Variants in SOX6 observed in about 807,000 individuals in gnomAD.
SOX6 encodes SRY-box transcription factor 6, also known as transcription factor SOX-6.
SOX6 carries 11 observed loss-of-function variants against 97.8 expected under a neutral mutation model. That is an observed-to-expected ratio of 0.11 (90% CI 0.07 to 0.19). The LOEUF (loss-of-function observed/expected upper bound fraction) is 0.19. Ranked by LOEUF, SOX6 falls within the 10% of genes least tolerant of loss-of-function variation. The pLI is 1.00. For synonymous variants in SOX6, 360 were observed against 371.4 expected (o/e 0.97, Z 0.35); for missense variants, 810 against 1,039.5 (o/e 0.78, Z 3.04).
chr11:15,989,103 G>A lies in SOX6; in HGVS notation c.1860C>T (p.His620=). ...DARGRASSEP[H]IKRPMNAFMV... ...TGAATGCATTCATTGGTCGCTTAAT[G>A]TGTGGCTCGCTGCTGGCACGGCCGC... Residue 620 remains histidine (H), a synonymous_variant, in exon 14 of 16, where the codon CAC becomes CAT. Coordinates refer to ENST00000683767, the MANE Select transcript of SOX6 (RefSeq NM_001367873.1). 1 of 1,614,214 alleles carries A rather than the reference G, an allele frequency of 6.2e-7. No homozygotes were observed. The highest frequency in any genetic ancestry group is 8.5e-7 in the Non-Finnish European group (1 of 1,180,020).
At chr11:16,249,458 T>C (rs1202757002) in intron 3 of SOX6, among the ~76,000 whole-genome samples, 3 of 152,192 alleles carry the variant, frequency 2.0e-5, no homozygotes, top group African/African-American at 7.2e-5. Flanking sequence ...TCCATATCAC[T>C]ATCAGAATTT....
chr11:16,656,442 C>A (rs142906075), intron 3 of SOX6, among the ~76,000 whole-genome samples: 1 of 152,094 alleles, frequency 6.6e-6, no homozygotes, highest in African/African-American at 2.4e-5. Flanking sequence ...TAGTGGACCA[C>A]GCTCACAGAA....
chr11:16,634,138 T>A (rs1848750120), intron 3 of SOX6, among the ~76,000 whole-genome samples: 2 of 151,930 alleles, frequency 1.3e-5, no homozygotes, highest in Non-Finnish European at 2.9e-5. Context: ...AATATGTTCA[T>A]AATCAATGAA....
intron 9 of SOX6, among the ~76,000 whole-genome samples, chr11:16,094,286 T>C (rs1590192273): frequency 6.9e-6 from 1 of 144,068 alleles, no homozygotes; most frequent in East Asian, 2.2e-4. Context: ...ATTTGACACA[T>C]CAGGGATCAG....
At chr11:15,991,012 A>G (rs1854033477) in intron 13 of SOX6, among the ~76,000 whole-genome samples, 1 of 152,196 alleles carries the variant, frequency 6.6e-6, no homozygotes, top group Non-Finnish European at 1.5e-5. Flanking sequence ...ACTGCAAACA[A>G]AAGACAGTAT....
At chr11:16,722,893 T>C (rs929024800) in intron 2 of SOX6, among the ~76,000 whole-genome samples, 3 of 152,078 alleles carry the variant, frequency 2.0e-5, no homozygotes, top group Non-Finnish European at 2.9e-5. Context: ...GTAAATTAGC[T>C]CAACCATTGT....
intron 3 of SOX6, among the ~76,000 whole-genome samples, chr11:16,637,763 A>C (rs1848812628): frequency 6.6e-6 from 1 of 152,126 alleles, no homozygotes; most frequent in African/African-American, 2.4e-5. Flanking sequence ...CATCCTTAAA[A>C]TATATTTCTC....
chr11:16,024,024 C>A (rs1033292399), intron 12 of SOX6, among the ~76,000 whole-genome samples: 4 of 152,016 alleles, frequency 2.6e-5, no homozygotes, highest in Non-Finnish European at 4.4e-5. Context: ...GGAGACGGGG[C>A]CTTTAAAGCA....
intron 4 of SOX6, among the ~76,000 whole-genome samples, chr11:16,549,818 G>A (rs371900270): frequency 1.3e-5 from 2 of 151,952 alleles, no homozygotes; most frequent in African/African-American, 2.4e-5. Flanking sequence ...CTTTCATTAC[G>A]CAAAATGAAA....
intron 13 of SOX6, among the ~76,000 whole-genome samples, chr11:16,000,017 C>T (rs2119886474): frequency 6.6e-6 from 1 of 152,180 alleles, no homozygotes; most frequent in Non-Finnish European, 1.5e-5. Context: ...CATATTTATC[C>T]TACCAAATTT....
At chr11:16,319,549 T>A (rs1590121311) in intron 2 of SOX6, among the ~76,000 whole-genome samples, 1 of 139,744 alleles carries the variant, frequency 7.2e-6, no homozygotes, top group Non-Finnish European at 1.5e-5. Flanking sequence ...ATGTTCCCCT[T>A]CTTGTGTCCA....
chr11:16,340,349 A>C (rs1260959198), intron 2 of SOX6, among the ~76,000 whole-genome samples: 1 of 152,074 alleles, frequency 6.6e-6, no homozygotes, highest in African/African-American at 2.4e-5. Context: ...GAACTAGATA[A>C]TTAATGTCAC....
At chr11:16,506,788 G>C (rs527977176) in intron 4 of SOX6, among the ~76,000 whole-genome samples, 8 of 152,258 alleles carry the variant, frequency 5.3e-5, no homozygotes, top group Non-Finnish European at 8.8e-5. Flanking sequence ...ACACAGCCAG[G>C]CATGGTAGCT....
intron 2 of SOX6, among the ~76,000 whole-genome samples, chr11:16,722,456 A>T (rs751956289): frequency 1.3e-4 from 20 of 152,222 alleles, no homozygotes; most frequent in Admixed American, 3.3e-4. Flanking sequence ...GTTCAAGACC[A>T]GCCTGGCCAA....
Position 16,132,401 on chromosome 11 carries a change from A to AGAAG in SOX6, c.778-20479_778-20478insCTTC, listed in dbSNP as rs34012369. The stretch of plus-strand genomic sequence containing the variant: ...AAGAAAGAAAGAAAGAAAGAAAGAA[A>AGAAG]AAAGAAAGAAAGAAAGAAAGAAAGA... On this transcript the variant is annotated intron_variant, in intron 6 of 15. Coordinates refer to ENST00000683767, the MANE Select transcript of SOX6 (RefSeq NM_001367873.1). Among the ~76,000 whole-genome samples the AGAAG allele has an allele frequency of 4.1e-4, 18 of 43,842 alleles. 1 individual carries two copies. Among genetic ancestry groups the AGAAG allele is most frequent in the African/African-American group, 1.9e-3 (17 of 9,014 alleles). 28.8% of individuals were successfully genotyped at this position (43,842 alleles called of 152,430 possible).
chr11:16,666,745 G>A (rs991762722), intron 3 of SOX6, among the ~76,000 whole-genome samples: 11 of 152,086 alleles, frequency 7.2e-5, no homozygotes, highest in Non-Finnish European at 1.0e-4. Context: ...GCAGTGAACC[G>A]AGATCGTGCC....
intron 1 of SOX6, among the ~76,000 whole-genome samples, chr11:16,354,576 A>C (rs1429082503): frequency 2.0e-5 from 3 of 152,036 alleles, no homozygotes; most frequent in Non-Finnish European, 2.9e-5. Context: ...TCTGCTGCTG[A>C]TAACTGTATT....
chr11:16,484,542 C>T (rs529130730), intron 4 of SOX6: 14 of 778,936 alleles, frequency 1.8e-5, no homozygotes, highest in African/African-American at 3.4e-5. Flanking sequence ...TGGGCACAGT[C>T]GAGATGGCAG....
chr11:16,107,420 TATATATACATATATATACAC>T (rs1473126895), intron 7 of SOX6, among the ~76,000 whole-genome samples: 1 of 147,530 alleles, frequency 6.8e-6, no homozygotes. Flanking sequence ...TATATATACA[TATATATACATATATATACAC>T]AATTGAATAT....
Sources: gnomAD v4.1 joint callset for allele counts (sites outside exome capture counted in the v4.1 genomes callset) on GRCh38, gnomAD v4.1.1 for gene constraint, MANE v1.5 for transcripts, NCBI Gene and HGNC (gene_info 2026-07-23, HGNC 2026-07-21) for gene names.